The following IQCK variants were observed in gnomAD, a reference collection of about 807,000 sequenced individuals.
IQCK encodes the protein IQ domain-containing protein K.
IQCK carries 29 observed loss-of-function variants against 28.1 expected under a neutral mutation model. The ratio of observed to expected loss-of-function variants is 1.03; its 90% CI spans 0.77 to 1.41. The LOEUF (loss-of-function observed/expected upper bound fraction) is 1.41. Among genes scored for constraint, IQCK ranks in the 40% most tolerant of loss-of-function variants. The pLI is 0.00. For synonymous variants in IQCK, 113 were observed against 115.1 expected, an observed-to-expected ratio of 0.98 and a Z score of 0.12; for missense variants, 359 against 314.7, an observed-to-expected ratio of 1.14 and a Z score of -1.07.
At chr16:19,835,087 A>G (rs917058579) in intron 9 of IQCK, among the ~76,000 whole-genome samples, 1 of 152,124 alleles carries the variant, frequency 6.6e-6, no homozygotes, top group African/African-American at 2.4e-5. Flanking sequence ...CAACATGGTG[A>G]AACCCCGTCT....
At chr16:19,845,056 G>A (rs571154867) in intron 9 of IQCK, among the ~76,000 whole-genome samples, 1 of 152,104 alleles carries the variant, frequency 6.6e-6, no homozygotes, top group African/African-American at 2.4e-5. Flanking sequence ...AGCCCGCCTC[G>A]GCCTCCCAAA....
chr16:19,838,312 C>T (rs900466816), intron 9 of IQCK, among the ~76,000 whole-genome samples: 9 of 151,972 alleles, frequency 5.9e-5, no homozygotes, highest in African/African-American at 2.2e-4. Flanking sequence ...GAGGGTGAGG[C>T]AGAGAAGAGG....
chr16:19,718,585 G>T, intron 1 of IQCK, 98 bp downstream of exon 1: 1 of 1,138,532 alleles, frequency 8.8e-7, no homozygotes. Flanking sequence ...GCTGACGGGC[G>T]GGGCCGCCGG....
At chr16:19,745,110 C>G (rs1460568388) in intron 4 of IQCK, among the ~76,000 whole-genome samples, 1 of 152,144 alleles carries the variant, frequency 6.6e-6, no homozygotes, top group East Asian at 1.9e-4. Flanking sequence ...AAAAGAAGCA[C>G]GAGTTACCTT....
rs888534707 is a variant in IQCK, at chr16:19,792,951, A to T, written c.690+4029A>T. The stretch of plus-strand genomic sequence containing the variant: ...AATTAAAAGTGAACTTAAACCAGAG[A>T]TCATCTCAATGGATATAGAAAATGC... On this transcript the variant is annotated intron_variant, in intron 7 of 7. Transcript: ENST00000564186. Among the ~76,000 whole-genome samples, 4 of 115,674 alleles carry T rather than the reference A, an allele frequency of 3.5e-5. 1 individual carries two copies. The highest frequency in any genetic ancestry group is 1.6e-4 in the African/African-American group (2 of 12,680). The allele number at this position is 115,674 out of a possible 152,430, so 75.9% of individuals were successfully genotyped here.
At chr16:19,773,919 G>A (rs1195568849) in intron 6 of IQCK, among the ~76,000 whole-genome samples, 3 of 152,216 alleles carry the variant, frequency 2.0e-5, no homozygotes, top group African/African-American at 7.2e-5. Context: ...ATTCTAAGAT[G>A]TGACCTTTCT....
chr16:19,766,439 C>T (rs150845599), intron 6 of IQCK, among the ~76,000 whole-genome samples: 1 of 152,286 alleles, frequency 6.6e-6, no homozygotes, highest in East Asian at 1.9e-4. Context: ...TGGTTGGTGC[C>T]CAGATTTGGT....
chr16:19,856,688 G>A (rs959789081), exon 10 of IQCK: 16 of 657,576 alleles, frequency 2.4e-5, no homozygotes, highest in Non-Finnish European at 3.4e-5. Flanking sequence ...GTACAAGATA[G>A]GATTCATTGC....
intron 7 of IQCK, among the ~76,000 whole-genome samples, chr16:19,810,469 C>A (rs1186475220): frequency 1.3e-5 from 2 of 149,596 alleles, no homozygotes; most frequent in Non-Finnish European, 3.0e-5. Flanking sequence ...TGCACTCCAG[C>A]CTGGGTGACA....
At chr16:19,801,038 T>A (rs1193264118) in intron 7 of IQCK, among the ~76,000 whole-genome samples, 1 of 138,516 alleles carries the variant, frequency 7.2e-6, no homozygotes, top group Non-Finnish European at 1.5e-5. Flanking sequence ...GAAACACTAG[T>A]ATTTGGAAAG....
intron 4 of IQCK, among the ~76,000 whole-genome samples, chr16:19,737,093 T>C (rs1013764216): frequency 2.0e-5 from 3 of 151,806 alleles, no homozygotes; most frequent in South Asian, 2.1e-4. Flanking sequence ...GCCCTGGAAG[T>C]TGAGGCTGCA....
intron 1 of IQCK, among the ~76,000 whole-genome samples, chr16:19,722,650 G>A (rs998458891): frequency 1.5e-4 from 22 of 151,558 alleles, no homozygotes; most frequent in African/African-American, 4.9e-4. Flanking sequence ...TGTTTTAGAC[G>A]CCAACAACTT....
intron 9 of IQCK, among the ~76,000 whole-genome samples, chr16:19,834,514 G>T (rs1318660391): frequency 2.0e-5 from 3 of 152,194 alleles, no homozygotes; most frequent in African/African-American, 7.2e-5. Context: ...GGACCCACAG[G>T]CTGGACAGCA....
intron 1 of IQCK, among the ~76,000 whole-genome samples, chr16:19,722,427 C>A (rs1304244373): frequency 2.6e-5 from 4 of 152,016 alleles, no homozygotes; most frequent in African/African-American, 9.7e-5. Context: ...CTCCAAACAC[C>A]CCTGGCCTGT....
chr16:19,814,220 CAAAA>C (rs71146272), intron 7 of IQCK, among the ~76,000 whole-genome samples: 7 of 19,440 alleles, frequency 3.6e-4, no homozygotes, highest in Non-Finnish European at 4.2e-4. Flanking sequence ...AACTCTATCT[CAAAA>C]AAAAAAAAAA....
intron 6 of IQCK, among the ~76,000 whole-genome samples, chr16:19,784,213 AT>A (rs796388121): frequency 2.1e-4 from 31 of 147,648 alleles, no homozygotes; most frequent in East Asian, 2.0e-3. Flanking sequence ...CCCTGCCCCC[AT>A]TTTTTTTTTC....
chr16:19,840,109 A>C (rs1306750025), intron 9 of IQCK, among the ~76,000 whole-genome samples: 3 of 152,090 alleles, frequency 2.0e-5, no homozygotes, highest in Admixed American at 6.5e-5. Context: ...TAATCTCAGG[A>C]CTTTGGGAGG....
chr16:19,763,953 A>G (rs1197092014), intron 5 of IQCK, 53 bp downstream of exon 5: 5 of 1,596,010 alleles, frequency 3.1e-6, no homozygotes, highest in Non-Finnish European at 4.3e-6. Flanking sequence ...AGTCGTGTTA[A>G]TTTGCAAGCA....
At chr16:19,856,817 T>C in exon 10 of IQCK, 1 of 398,444 alleles carries the variant, frequency 2.5e-6, no homozygotes, top group Non-Finnish European at 4.5e-6. Context: ...AGTATTCTTC[T>C]ACACCAGCTG....
Sources: gnomAD v4.1 joint callset for allele counts (sites outside exome capture counted in the v4.1 genomes callset) on GRCh38, gnomAD v4.1.1 for gene constraint, MANE v1.5 for transcripts, NCBI Gene and HGNC (gene_info 2026-07-23, HGNC 2026-07-21) for gene names.